Variants in DIP2C observed in about 807,000 individuals in gnomAD.
DIP2C encodes the protein disco-interacting protein 2 homolog C.
Under a neutral mutation model 192.4 loss-of-function variants are expected in DIP2C, and 33 were observed. The ratio of observed to expected loss-of-function variants is 0.17; its 90% confidence interval spans 0.13 to 0.23. The LOEUF is 0.23. DIP2C is among the 10% of genes least tolerant of loss of function. The pLI is 1.00. For synonymous variants in DIP2C, 979 were observed against 864.1 expected (o/e 1.13, Z -2.33); for missense variants, 1,537 against 2,110.1 (o/e 0.73, Z 5.32).
chr10:431,064 C>T (rs576343108), intron 4 of DIP2C, among the ~76,000 whole-genome samples: 4 of 152,134 alleles, frequency 2.6e-5, no homozygotes, highest in Non-Finnish European at 4.4e-5. Context: ...TCCCATTGAT[C>T]CTTTTGTTTG....
intron 2 of DIP2C, among the ~76,000 whole-genome samples, chr10:473,142 A>G (rs1970770050): frequency 6.6e-6 from 1 of 152,228 alleles, no homozygotes; most frequent in African/African-American, 2.4e-5. Context: ...TTGGTGAATA[A>G]CAAAAAACAT....
rs191669466 is a variant in DIP2C, at chr10:542,236, C to T, written c.86-55706G>A. Reference sequence around the variant, plus strand: ...CTGCCTCTGCGAGTTACCTCCTGGGCGATGCCAGGTGACGGTAACATCAAC... The same window carrying T: ...CTGCCTCTGCGAGTTACCTCCTGGGTGATGCCAGGTGACGGTAACATCAAC... On this transcript the variant is annotated intron_variant, in intron 1 of 36. Transcript: ENST00000280886. Among the ~76,000 whole-genome samples, 162 of 152,318 alleles carry T rather than the reference C, an allele frequency of 1.1e-3. 1 individual carries two copies. Among genetic ancestry groups the T allele is most frequent in the African/African-American group, 3.6e-3 (149 of 41,570 alleles).
At chr10:581,242 C>T (rs1252070616) in intron 1 of DIP2C, among the ~76,000 whole-genome samples, 1 of 152,030 alleles carries the variant, frequency 6.6e-6, no homozygotes, top group African/African-American at 2.4e-5. Context: ...GGGGAAAAAA[C>T]AACAAAAACA....
rs1965589242 is a variant in DIP2C, at chr10:415,770, T to C, written c.858A>G (p.Glu286=). 1.9e-6 allele frequency: 3 copies of C among 1,614,072 alleles called. No individual in the cohort carries two copies. In the East Asian group the frequency reaches 6.7e-5, roughly 36 times the overall value. ...FFVDDFEELL[E]VQQPDPNQPK... is the part of the protein sequence containing the mutation. ...ACGTGTGGTAAAGAGTTCTCTCACC[T>C]TCTAATAATTCTTCAAAGTCATCGA... The change falls in exon 7 of 37, where the codon GAA becomes GAG. Residue 286 remains glutamate, a splice_region_variant and synonymous_variant. Coordinates refer to ENST00000280886, the MANE Select transcript of DIP2C (RefSeq NM_014974.3).
intron 1 of DIP2C, among the ~76,000 whole-genome samples, chr10:571,644 T>C (rs1406617415): frequency 6.6e-6 from 1 of 152,198 alleles, no homozygotes; most frequent in African/African-American, 2.4e-5. Flanking sequence ...TTTATTGCAA[T>C]GATTATTCTT....
In DIP2C at chr10:314,561, G is replaced by A. The variant is rs377480568; in HGVS notation, c.3925-4469C>T. Among the ~76,000 whole-genome samples, 34 of 152,330 alleles carry A rather than the reference G, an allele frequency of 2.2e-4. 1 individual carries two copies. The South Asian group carries it at 3.9e-3, about 18-fold the overall frequency. On this transcript the variant is annotated intron_variant, in intron 31 of 36. Coordinates refer to ENST00000280886, the MANE Select transcript of DIP2C (RefSeq NM_014974.3). Reference sequence around the variant, plus strand: ...CCGGATCACCCAGCAGCTGGACGCCGTCCTTCCCATGGTCTGTGGCCAGTG... The same window carrying A: ...CCGGATCACCCAGCAGCTGGACGCCATCCTTCCCATGGTCTGTGGCCAGTG...
chr10:533,609 C>T (rs1317309951), intron 1 of DIP2C, among the ~76,000 whole-genome samples: 1 of 147,156 alleles, frequency 6.8e-6, no homozygotes, highest in South Asian at 2.2e-4. Context: ...ACAGCTTAGG[C>T]AAACCTGCCT....
intron 3 of DIP2C, among the ~76,000 whole-genome samples, chr10:447,615 AT>A (rs1968372784): frequency 7.1e-6 from 1 of 140,298 alleles, no homozygotes; most frequent in African/African-American, 2.9e-5. Context: ...GGACCCACTC[AT>A]CCCTGTCTAT....
At chr10:367,336 G>A (rs1006061808) in intron 18 of DIP2C, among the ~76,000 whole-genome samples, 2 of 151,158 alleles carry the variant, frequency 1.3e-5, no homozygotes, top group African/African-American at 4.9e-5. Flanking sequence ...AGAATGGCGT[G>A]AACCCGGGAG....
chr10:327,236 G>A (rs1168608629), intron 30 of DIP2C, 60 bp from the exon 31 acceptor site: 6 of 1,555,750 alleles, frequency 3.9e-6, no homozygotes, highest in Non-Finnish European at 5.2e-6. Flanking sequence ...GAGTGAGCCA[G>A]AGACTCCTTC....
At position 375,154 on chromosome 10, in the gene DIP2C, C is replaced by T. The variant is rs75907614; in HGVS notation, c.1992-5521G>A. 3.2e-4 allele frequency among the ~76,000 whole-genome samples: 49 copies of T among 152,358 alleles called. No homozygotes were observed. The East Asian group carries it at 6.7e-3, about 21-fold the overall frequency. ...GATGTTTTGTTGCCTGCAGATCTCACGTTGAAATGTGACGTCCAACAATGC... is the reference window on the plus strand; with the variant it reads ...GATGTTTTGTTGCCTGCAGATCTCATGTTGAAATGTGACGTCCAACAATGC... On this transcript the variant is annotated intron_variant, in intron 17 of 36. Transcript: ENST00000280886.
intron 1 of DIP2C, among the ~76,000 whole-genome samples, chr10:633,518 G>C (rs1057406643): frequency 6.8e-6 from 1 of 146,784 alleles, no homozygotes; most frequent in African/African-American, 2.8e-5. Context: ...GCCTCCGGCC[G>C]GTGCCCACTG....
intron 1 of DIP2C, among the ~76,000 whole-genome samples, chr10:581,193 TTACTC>T (rs1373624418): frequency 6.6e-6 from 1 of 152,092 alleles, no homozygotes; most frequent in Non-Finnish European, 1.5e-5. Flanking sequence ...TTTCTGATAC[TTACTC>T]TAGTCTACTT....
intron 6 of DIP2C, among the ~76,000 whole-genome samples, chr10:417,938 C>G (rs530304360): frequency 0.11 from 2,697 of 24,912 alleles, 119 homozygotes; most frequent in East Asian, 0.16. Flanking sequence ...GTCAGGGCTT[C>G]GATAGGCCTC....
At chr10:367,868 CG>C (rs1378397006) in intron 18 of DIP2C, among the ~76,000 whole-genome samples, 1 of 152,258 alleles carries the variant, frequency 6.6e-6, no homozygotes, top group Non-Finnish European at 1.5e-5. Context: ...AGGACACACA[CG>C]GGGTGGGGGT....
chr10:312,199 C>G (rs1223634204), intron 31 of DIP2C, among the ~76,000 whole-genome samples: 1 of 152,186 alleles, frequency 6.6e-6, no homozygotes, highest in Non-Finnish European at 1.5e-5. Context: ...ACAGAGACAC[C>G]AACTTCTGTT....
At chr10:333,645 T>G (rs1178535408) in intron 29 of DIP2C, among the ~76,000 whole-genome samples, 4 of 152,178 alleles carry the variant, frequency 2.6e-5, no homozygotes. Flanking sequence ...CTCCTAGGAG[T>G]GCAGCTGCTG....
chr10:390,388 A>G lies in DIP2C; in HGVS notation c.1385-15T>C, dbSNP rs368834646. ...CTTTGGCCAACCTTGGAAATAAACAACAAGTTCCTTTTAAATGTTACTCTG... is the reference window on the plus strand; with the variant it reads ...CTTTGGCCAACCTTGGAAATAAACAGCAAGTTCCTTTTAAATGTTACTCTG... On this transcript the variant is annotated splice_polypyrimidine_tract_variant and intron_variant, in intron 11 of 36. Transcript: ENST00000280886. 2 of 1,610,240 alleles carry G rather than the reference A, an allele frequency of 1.2e-6. No homozygotes were observed. Among genetic ancestry groups the G allele is most frequent in the African/African-American group, 2.7e-5 (2 of 74,654 alleles).
intron 1 of DIP2C, among the ~76,000 whole-genome samples, chr10:599,529 C>T (rs1851921889): frequency 6.6e-6 from 1 of 152,180 alleles, no homozygotes; most frequent in South Asian, 2.1e-4. Flanking sequence ...GGTCATCTGA[C>T]CAGCTGTTCA....
Sources: gnomAD v4.1 joint callset for allele counts (sites outside exome capture counted in the v4.1 genomes callset) on GRCh38, gnomAD v4.1.1 for gene constraint, MANE v1.5 for transcripts, NCBI Gene and HGNC (gene_info 2026-07-23, HGNC 2026-07-21) for gene names.